Variants in CSNK1D observed in about 807,000 individuals in gnomAD.
The protein encoded by CSNK1D is casein kinase I isoform delta.
Under a neutral mutation model 46.6 loss-of-function variants are expected in CSNK1D, and 16 were observed. The ratio of observed to expected loss-of-function variants is 0.34; its 90% confidence interval spans 0.23 to 0.52. CSNK1D has a LOEUF of 0.52. Among genes scored for constraint, CSNK1D ranks in the 20% least tolerant of loss-of-function variants. CSNK1D has a pLI of 0.95. For missense variants in CSNK1D, 398 were observed against 578.4 expected (o/e 0.69, Z 3.20); for synonymous variants, 276 against 228.2 (o/e 1.21, Z -1.89).
Position 82,248,953 on chromosome 17 carries a change from C to T in CSNK1D, c.1119G>A (p.Leu373=), listed in dbSNP as rs4996485. ...AGATGTTGACGGGGGCCCCGCGGTG[C>T]AGCCGCATACTCACTTTCCGCTCTC... is the stretch of plus-strand genomic sequence containing the variant. ...MERERKVSMR[L]HRGAPVNISS... Residue 373 remains leucine, a synonymous_variant, in exon 8 of 9, where the codon CTG becomes CTA. Coordinates refer to ENST00000314028, the MANE Select transcript of CSNK1D (RefSeq NM_001893.6). This position sits in a 1 kb window ranked among gnomAD's most constrained non-coding sequence, Gnocchi z 4.1. 83 of 1,595,480 alleles carry T rather than the reference C, an allele frequency of 5.2e-5. No homozygotes were observed. The African/African-American group carries it at 1.0e-3, about 20-fold the overall frequency.
At chr17:82,265,903 G>T in intron 1 of CSNK1D, 107 bp from the exon 2 acceptor site, 1 of 917,116 alleles carries the variant, frequency 1.1e-6, no homozygotes, top group Non-Finnish European at 1.8e-6. Flanking sequence ...AGGACCAAGT[G>T]AGGGATGTGT....
chr17:82,241,341 G>T (rs115942443), downstream of CSNK1D, among the ~76,000 whole-genome samples: 5,509 of 152,294 alleles, frequency 0.036, 321 homozygotes, highest in African/African-American at 0.12. Flanking sequence ...AGGGGTCTAT[G>T]GTGAAGCTCC....
intron 3 of CSNK1D, chr17:82,254,991 G>A: frequency 2.9e-6 from 1 of 348,940 alleles, no homozygotes; most frequent in Non-Finnish European, 5.3e-6. Context: ...AAGCCAGTCA[G>A]CTGAGCCGCC....
chr17:82,250,314 C>T lies in CSNK1D; in HGVS notation c.886-712G>A, dbSNP rs1463241794. 2 of 703,062 alleles carry T rather than the reference C, an allele frequency of 2.8e-6. No homozygotes were observed. Among genetic ancestry groups the T allele is most frequent in the African/African-American group, 1.8e-5 (1 of 54,316 alleles). The allele number at this position is 703,062 out of a possible 1,614,324, so 43.6% of individuals were successfully genotyped here. A position where few individuals can be genotyped will look rare whatever the true frequency, so the allele number is the denominator to read the frequency against. ...ACACAGCCACGTTCACCAGGCAACA[C>T]ACAGACCGACACACCTGCGGCTGCA... is the stretch of plus-strand genomic sequence containing the variant. On this transcript the variant is annotated intron_variant, in intron 6 of 8. Coordinates refer to ENST00000314028, the MANE Select transcript of CSNK1D (RefSeq NM_001893.6). This position sits in a 1 kb window ranked among gnomAD's most constrained non-coding sequence, Gnocchi z 4.6.
rs1271270920 is a variant in CSNK1D, at chr17:82,244,789, G to A, written c.1240C>T (p.His414Tyr). The A allele has an allele frequency of 6.2e-7, 1 of 1,613,894 alleles. No individual in the cohort carries two copies. The highest frequency in any genetic ancestry group is 1.3e-5 in the African/African-American group (1 of 74,932). ...AGCAATAAGGAGAGTTCTCATCGGT[G>A]CACGACAGACTGAAGACCACTGGAA... The part of the protein sequence containing the change: ...VASSGLQSVV[H>Y]R The change falls in exon 9 of 9, where the codon CAC (histidine) becomes TAC (tyrosine). Residue 414 changes from histidine (H) to tyrosine (Y), a missense_variant. Around this residue, in one of 2 missense-constraint regions of CSNK1D, gnomAD observed 181 missense variants for 208.0 expected, o/e 0.87. Coordinates refer to ENST00000314028, the MANE Select transcript of CSNK1D (RefSeq NM_001893.6).
chr17:82,249,950 G>C lies in CSNK1D; in HGVS notation c.886-348C>G. The C allele has an allele frequency of 1.6e-6, 2 of 1,260,922 alleles. No homozygotes were observed. The highest frequency in any genetic ancestry group is 3.0e-5 in the South Asian group (2 of 66,208). The allele number at this position is 1,260,922 out of a possible 1,614,324, so 78.1% of individuals were successfully genotyped here. A position where few individuals can be genotyped will look rare whatever the true frequency, so the allele number is the denominator to read the frequency against. ...CACGTGCAGAAAGAGGAGAGGGACA[G>C]GAACCATCGGAGGCCAAAGACAGGC... On this transcript the variant is annotated intron_variant, in intron 6 of 8. Transcript: ENST00000314028. This position sits in a 1 kb window ranked among gnomAD's most constrained non-coding sequence, Gnocchi z 6.7.
rs1370661106 is a variant in CSNK1D at position 82,252,683 on chromosome 17, G to A, written c.566-79C>T. On this transcript the variant is annotated intron_variant, in intron 4 of 8. Coordinates refer to ENST00000314028, the MANE Select transcript of CSNK1D (RefSeq NM_001893.6). This position sits in a 1 kb window ranked among gnomAD's most constrained non-coding sequence, Gnocchi z 4.6. ...GCAAAAGACCCGGCTGGCCGTTCCAGTGGAGACTAGCCTCAGACACACATG... is the reference window on the plus strand; with the variant it reads ...GCAAAAGACCCGGCTGGCCGTTCCAATGGAGACTAGCCTCAGACACACATG... 6.3e-6 allele frequency: 9 copies of A among 1,426,980 alleles called. No homozygotes were observed. The highest frequency in any genetic ancestry group is 5.6e-5 in the African/African-American group (4 of 70,810). 88.4% of individuals were successfully genotyped at this position (1,426,980 alleles called of 1,614,324 possible). A position where few individuals can be genotyped will look rare whatever the true frequency, so the allele number is the denominator to read the frequency against.
rs1423563388 is a variant in CSNK1D at position 82,249,729 on chromosome 17, GC to G, written c.886-128del. ...GCACTGGGACGAGACTGCCTGCAAAGCCCCCCACAGGCTGCACGTTTCTCCT... is the reference window on the plus strand; with the variant it reads ...GCACTGGGACGAGACTGCCTGCAAAGCCCCCACAGGCTGCACGTTTCTCCT... On this transcript the variant is annotated intron_variant, in intron 6 of 8. Transcript: ENST00000314028. The surrounding 1 kb of genome is among the most constrained non-coding windows in gnomAD (Gnocchi z 6.7). 2 of 1,513,130 alleles carry G rather than the reference GC, an allele frequency of 1.3e-6. No homozygotes were observed. The highest frequency in any genetic ancestry group is 1.4e-5 in the African/African-American group (1 of 72,570). 93.7% of individuals were successfully genotyped at this position (1,513,130 alleles called of 1,614,324 possible).
Position 82,244,243 on chromosome 17 carries a change from C to A in CSNK1D, c.*538G>T. 2 of 1,081,124 alleles carry A rather than the reference C, an allele frequency of 1.8e-6. No individual in the cohort carries two copies. Among genetic ancestry groups the A allele is most frequent in the Non-Finnish European group, 2.3e-6 (2 of 885,686 alleles). 67.0% of individuals were successfully genotyped at this position (1,081,124 alleles called of 1,614,324 possible). On this transcript the variant is annotated 3_prime_UTR_variant, in exon 9 of 9. Coordinates refer to ENST00000314028, the MANE Select transcript of CSNK1D (RefSeq NM_001893.6). ...ACACACCCTTGAGATCCACCTGCAC[C>A]TTCTCCCTGCCCGACTCCACCTCAT...
intron 2 of CSNK1D, among the ~76,000 whole-genome samples, chr17:82,265,050 C>T (rs1416552217): frequency 3.3e-5 from 5 of 151,988 alleles, no homozygotes; most frequent in South Asian, 2.1e-4. Flanking sequence ...CCGCCTGCCT[C>T]GGCCTCCCAA....
intron 8 of CSNK1D, 24 bp from the exon 9 acceptor site, chr17:82,244,855 A>G (rs755726288): frequency 1.5e-5 from 24 of 1,613,460 alleles, no homozygotes; most frequent in Middle Eastern, 1.6e-4. Context: ...AGCACAGGAG[A>G]AGGTCAGCAT....
At chr17:82,261,766 C>T (rs544984392) in intron 2 of CSNK1D, among the ~76,000 whole-genome samples, 16 of 152,208 alleles carry the variant, frequency 1.1e-4, no homozygotes, top group East Asian at 5.8e-4. Flanking sequence ...TCCTCGATAC[C>T]GTACATGTTA....
At chr17:82,271,443 G>A (rs2051621054) in intron 1 of CSNK1D, among the ~76,000 whole-genome samples, 1 of 152,198 alleles carries the variant, frequency 6.6e-6, no homozygotes, top group Non-Finnish European at 1.5e-5. Context: ...AGATCCTGGG[G>A]TTAAAACTTT....
chr17:82,246,148 C>A (rs940947140), intron 8 of CSNK1D: 3 of 1,545,800 alleles, frequency 1.9e-6, no homozygotes, highest in Non-Finnish European at 2.6e-6. Context: ...GTCCACAGAC[C>A]GACAGGTGCC....
At position 82,250,515 on chromosome 17, in the gene CSNK1D, C is replaced by T. The variant is rs543230017; in HGVS notation, c.885+864G>A. 1.8e-3 allele frequency: 463 copies of T among 250,756 alleles called. 5 individuals are homozygous for T. The highest frequency in any genetic ancestry group is 7.7e-3 in the South Asian group (208 of 27,084). 15.5% of individuals were successfully genotyped at this position (250,756 alleles called of 1,614,324 possible). On this transcript the variant is annotated intron_variant, in intron 6 of 8. Transcript: ENST00000314028. This position sits in a 1 kb window ranked among gnomAD's most constrained non-coding sequence, Gnocchi z 4.6. ...TCTGCCCTGCCGAGTGCACCCCTCC[C>T]GGCACCTGGGCCCCGAGGCTCGGGC...
intron 1 of CSNK1D, among the ~76,000 whole-genome samples, chr17:82,271,804 G>A (rs893591537): frequency 1.3e-5 from 2 of 152,186 alleles, no homozygotes; most frequent in Non-Finnish European, 2.9e-5. Flanking sequence ...TCCACATGTG[G>A]CTTCATCTAA....
rs1171572148 is a variant in CSNK1D at position 82,243,370 on chromosome 17, G to A, written c.*1411C>T. The A allele has an allele frequency of 6.1e-6, 6 of 985,546 alleles. No homozygotes were observed. Among genetic ancestry groups the A allele is most frequent in the Non-Finnish European group, 7.2e-6 (6 of 830,010 alleles). The allele number at this position is 985,546 out of a possible 1,614,324, so 61.1% of individuals were successfully genotyped here. On this transcript the variant is annotated 3_prime_UTR_variant, in exon 9 of 9. Transcript: ENST00000314028. ...CGAACACAGACTGCCCTGCGCATTG[G>A]GGTTGGGAGCACATGGCCACTGGCT...
intron 2 of CSNK1D, among the ~76,000 whole-genome samples, chr17:82,259,411 A>C (rs2051267006): frequency 6.6e-6 from 1 of 152,258 alleles, no homozygotes; most frequent in Non-Finnish European, 1.5e-5. Context: ...TGCCCTGCTG[A>C]AAACAGTGTT....
At position 82,249,675 on chromosome 17, in the gene CSNK1D, C is replaced by T. The variant is rs1055932010; in HGVS notation, c.886-73G>A. 2.7e-5 allele frequency: 41 copies of T among 1,534,308 alleles called. No homozygotes were observed. The highest frequency in any genetic ancestry group is 5.9e-5 in the Admixed American group (3 of 50,926). On this transcript the variant is annotated intron_variant, in intron 6 of 8. Coordinates refer to ENST00000314028, the MANE Select transcript of CSNK1D (RefSeq NM_001893.6). This position sits in a 1 kb window ranked among gnomAD's most constrained non-coding sequence, Gnocchi z 6.7. ...AGCAACCCTAGGTCCTAGGCTGCCCCGGCCACGTGAGAAAATACCTACCAA... is the reference window on the plus strand; with the variant it reads ...AGCAACCCTAGGTCCTAGGCTGCCCTGGCCACGTGAGAAAATACCTACCAA...
Sources: allele counts gnomAD v4.1 joint callset (sites outside exome capture counted in the v4.1 genomes callset), GRCh38; gene constraint gnomAD v4.1.1; regional missense constraint gnomAD v4.1.1; non-coding constraint Gnocchi (gnomAD v3.1); transcripts MANE v1.5; gene names NCBI Gene and HGNC (gene_info 2026-07-23, HGNC 2026-07-21).